Variants in KSR2 observed in about 807,000 individuals in gnomAD.
KSR2 encodes the protein kinase suppressor of ras 2.
In KSR2, 25 loss-of-function variants were observed where a neutral mutation model predicts 107.8. The ratio of observed to expected loss-of-function variants is 0.23; its 90% CI spans 0.17 to 0.32. KSR2 has a LOEUF of 0.32. KSR2 is among the 10% of genes least tolerant of loss of function. The pLI is 1.00. For synonymous variants in KSR2, 480 were observed against 507.0 expected, an observed-to-expected ratio of 0.95 and a Z score of 0.71; for missense variants, 887 against 1,268.9, an observed-to-expected ratio of 0.70 and a Z score of 4.57.
intron 7 of KSR2, among the ~76,000 whole-genome samples, chr12:117,568,578 G>T (rs1224333184): frequency 1.3e-5 from 2 of 152,240 alleles, no homozygotes; most frequent in East Asian, 3.9e-4. Flanking sequence ...ACTTCTGAAG[G>T]CCTCTGTTTC....
At chr12:117,510,393 G>A (rs1329512913) in intron 14 of KSR2, among the ~76,000 whole-genome samples, 1 of 152,140 alleles carries the variant, frequency 6.6e-6, no homozygotes, top group Non-Finnish European at 1.5e-5. Context: ...CATGATAGAT[G>A]AGAACACTAA....
chr12:117,558,168 C>CT (rs1565899619), intron 8 of KSR2, among the ~76,000 whole-genome samples: 2 of 152,072 alleles, frequency 1.3e-5, no homozygotes, highest in African/African-American at 2.4e-5. Context: ...AGCCAGTGCT[C>CT]TTTTTTTGGT....
chr12:117,800,193 A>C (rs932680864), intron 3 of KSR2, among the ~76,000 whole-genome samples: 4 of 152,196 alleles, frequency 2.6e-5, no homozygotes, highest in Non-Finnish European at 5.9e-5. Flanking sequence ...GAAGAAGGGC[A>C]GAAGCCGGAG....
intron 1 of KSR2, among the ~76,000 whole-genome samples, chr12:117,867,530 G>T (rs1418992637): frequency 6.6e-6 from 1 of 152,150 alleles, no homozygotes; most frequent in East Asian, 1.9e-4. Flanking sequence ...CCTTTTCAAT[G>T]ACGCTGGCCA....
At chr12:117,878,626 A>G (rs576448645) in intron 1 of KSR2, among the ~76,000 whole-genome samples, 1 of 152,166 alleles carries the variant, frequency 6.6e-6, no homozygotes, top group Non-Finnish European at 1.5e-5. Context: ...CCAGAGAGAC[A>G]TGCTGCTGGG....
At chr12:117,888,273 T>G (rs1334408430) in intron 1 of KSR2, among the ~76,000 whole-genome samples, 1 of 152,140 alleles carries the variant, frequency 6.6e-6, no homozygotes, top group East Asian at 1.9e-4. Flanking sequence ...AAACACAAAT[T>G]TGTATATTTG....
chr12:117,870,954 G>A lies in KSR2; in HGVS notation c.181-10523C>T, dbSNP rs553645793. ...AAAACTGCACAGAGTGTGAAGCTGT[G>A]TTGGGCAGAGATCGAGCAGTGCTTC... On this transcript the variant is annotated intron_variant, in intron 1 of 19. Coordinates refer to ENST00000339824, the MANE Select transcript of KSR2 (RefSeq NM_173598.6). 3.9e-5 allele frequency among the ~76,000 whole-genome samples: 6 copies of A among 152,328 alleles called. No homozygotes were observed. In the East Asian group the frequency reaches 1.2e-3, roughly 29 times the overall value.
intron 5 of KSR2, among the ~76,000 whole-genome samples, chr12:117,642,146 C>T (rs1328634196): frequency 6.6e-6 from 1 of 152,186 alleles, no homozygotes; most frequent in Admixed American, 6.5e-5. Context: ...CATTGCTGCT[C>T]CCCTGTTGTA....
chr12:117,736,454 C>T (rs185322897), intron 4 of KSR2, among the ~76,000 whole-genome samples: 14 of 152,264 alleles, frequency 9.2e-5, no homozygotes, highest in East Asian at 3.9e-4. Context: ...GTTGAATTTA[C>T]GTTTCATCTG....
intron 1 of KSR2, among the ~76,000 whole-genome samples, chr12:117,932,059 G>A (rs71452624): frequency 0.04 from 6,092 of 152,192 alleles, 193 homozygotes; most frequent in Non-Finnish European, 0.056. Context: ...GGCTAAGGCG[G>A]GTGGATCGCC....
At chr12:117,882,949 C>A (rs889415280) in intron 1 of KSR2, among the ~76,000 whole-genome samples, 1 of 151,974 alleles carries the variant, frequency 6.6e-6, no homozygotes, top group African/African-American at 2.4e-5. Flanking sequence ...ATGCAACCAT[C>A]CATTCAATCC....
intron 3 of KSR2, among the ~76,000 whole-genome samples, chr12:117,790,463 G>T (rs567000257): frequency 6.6e-6 from 1 of 152,150 alleles, no homozygotes; most frequent in Non-Finnish European, 1.5e-5. Flanking sequence ...AAACAATAGG[G>T]CAGAGGAAGC....
At chr12:117,893,277 G>A (rs1035884474) in intron 1 of KSR2, among the ~76,000 whole-genome samples, 4 of 152,008 alleles carry the variant, frequency 2.6e-5, no homozygotes, top group South Asian at 2.1e-4. Flanking sequence ...CCCGGCCTCC[G>A]TGGTGCTGGG....
intron 1 of KSR2, among the ~76,000 whole-genome samples, chr12:117,930,257 C>T (rs1203978031): frequency 6.6e-6 from 1 of 152,090 alleles, no homozygotes; most frequent in African/African-American, 2.4e-5. Flanking sequence ...GGGTCTCAAA[C>T]TCCAGAGCTC....
chr12:117,683,692 T>C (rs919511124), intron 4 of KSR2, among the ~76,000 whole-genome samples: 1 of 152,270 alleles, frequency 6.6e-6, no homozygotes. Context: ...GAACAAAATG[T>C]CCCTTAAATA....
intron 4 of KSR2, among the ~76,000 whole-genome samples, chr12:117,705,310 G>T (rs541420836): frequency 1.3e-5 from 2 of 152,264 alleles, no homozygotes; most frequent in Admixed American, 1.3e-4. Context: ...AACCTGCACT[G>T]CAAAATGCCA....
At chr12:117,880,774 T>G (rs1319082314) in intron 1 of KSR2, among the ~76,000 whole-genome samples, 1 of 148,566 alleles carries the variant, frequency 6.7e-6, no homozygotes, top group Non-Finnish European at 1.5e-5. Flanking sequence ...TTCAAGCGAT[T>G]CTCCCACCTC....
chr12:117,632,383 C>A (rs980629816), intron 5 of KSR2, among the ~76,000 whole-genome samples: 12 of 151,214 alleles, frequency 7.9e-5, no homozygotes, highest in Non-Finnish European at 1.6e-4. Context: ...CGCCACCATG[C>A]CTGGCTAATT....
chr12:117,761,121 C>A lies in KSR2; in HGVS notation c.876G>T (p.Pro292=). The A allele has an allele frequency of 6.2e-7, 1 of 1,613,172 alleles. No individual in the cohort carries two copies. The highest frequency in any genetic ancestry group is 8.5e-7 in the Non-Finnish European group (1 of 1,179,470). The part of the protein sequence containing the change: ...KNKLKPPGTP[P]PSSRKLIHLI... ...AGTGTATCAGTTTTCGGGAGGAGGG[C>A]GGTGGGGTCCCCGGGGGCTTCAGCT... The change falls in exon 4 of 20, where the codon CCG becomes CCT. Residue 292 remains proline (P), a synonymous_variant. Coordinates refer to ENST00000339824, the MANE Select transcript of KSR2 (RefSeq NM_173598.6).
Sources: allele counts gnomAD v4.1 joint callset (sites outside exome capture counted in the v4.1 genomes callset), GRCh38; gene constraint gnomAD v4.1.1; transcripts MANE v1.5; gene names NCBI Gene and HGNC (gene_info 2026-07-23, HGNC 2026-07-21).